RALYL: variants seen among roughly 807,000 people sequenced by gnomAD.
RALYL encodes the protein RALY RNA binding protein like, also known as RNA-binding Raly-like protein.
A neutral mutation model predicts 35.1 loss-of-function variants in RALYL; 29 were observed. The observed-to-expected ratio is 0.83, with a 90% confidence interval of 0.61 to 1.13. The LOEUF (loss-of-function observed/expected upper bound fraction) is 1.13, where lower values mean the gene tolerates loss of function less well. RALYL is among the 50% of genes most tolerant of loss of function. The pLI is 0.00. For synonymous variants in RALYL, 120 were observed against 127.6 expected, an observed-to-expected ratio of 0.94 and a Z score of 0.40; for missense variants, 359 against 360.4, an observed-to-expected ratio of 1.00 and a Z score of 0.03.
chr8:84,777,874 C>G (rs573230942), intron 3 of RALYL, among the ~76,000 whole-genome samples: 1 of 152,270 alleles, frequency 6.6e-6, no homozygotes, highest in Non-Finnish European at 1.5e-5. Flanking sequence ...ATCTCCTGAC[C>G]TCGTGATCCG....
intron 3 of RALYL, among the ~76,000 whole-genome samples, chr8:84,798,056 A>C (rs1822352545): frequency 6.6e-6 from 1 of 152,092 alleles, no homozygotes; most frequent in South Asian, 2.1e-4. Flanking sequence ...AGCCCAAATA[A>C]ATATTCTTCA....
intron 5 of RALYL, among the ~76,000 whole-genome samples, chr8:84,854,774 A>G (rs1017206253): frequency 1.3e-5 from 2 of 152,220 alleles, no homozygotes; most frequent in Admixed American, 1.3e-4. Context: ...CTAGGGCTGG[A>G]GAAACAAAGG....
rs750315853 is a variant in RALYL at position 84,773,825 on chromosome 8, C to G, written c.257-754C>G. On this transcript the variant is annotated intron_variant, in intron 2 of 8. Transcript: ENST00000521268. ...ATCATAGGAAATTTAATAAGTCCTC[C>G]TATGAACAGAACTCTATTTCATACA... Among the ~76,000 whole-genome samples, 12 of 152,184 alleles carry G rather than the reference C, an allele frequency of 7.9e-5. No individual in the cohort carries two copies. In the South Asian group the frequency reaches 1.2e-3, roughly 16 times the overall value.
At chr8:84,919,136 T>G (rs1848929163) in intron 8 of RALYL, among the ~76,000 whole-genome samples, 1 of 152,210 alleles carries the variant, frequency 6.6e-6, no homozygotes, top group Non-Finnish European at 1.5e-5. Context: ...CCATGACTAG[T>G]AAGCTTTACA....
chr8:84,624,343 T>C (rs1334079588), intron 2 of RALYL, among the ~76,000 whole-genome samples: 1 of 152,178 alleles, frequency 6.6e-6, no homozygotes, highest in Non-Finnish European at 1.5e-5. Context: ...TGGGCTAAAG[T>C]CAAAGTTTCA....
chr8:84,881,552 G>A (rs1433722370), intron 7 of RALYL, among the ~76,000 whole-genome samples: 2 of 151,898 alleles, frequency 1.3e-5, no homozygotes, highest in African/African-American at 2.4e-5. Context: ...AAAACACTTT[G>A]AACATAAATC....
At chr8:84,864,201 T>TTGTGTGTGTGTGTGTGTTTG (rs1838695756) in intron 6 of RALYL, among the ~76,000 whole-genome samples, 1 of 150,076 alleles carries the variant, frequency 6.7e-6, no homozygotes, top group Non-Finnish European at 1.5e-5. Context: ...GTGTGTGTGT[T>TTGTGTGTGTGTGTGTGTTTG]TGTGTGTGTG....
intron 1 of RALYL, among the ~76,000 whole-genome samples, chr8:84,457,077 C>T (rs931875442): frequency 6.6e-6 from 1 of 151,870 alleles, no homozygotes; most frequent in East Asian, 1.9e-4. Flanking sequence ...AATTTTTTCC[C>T]CCTTTTCACA....
At chr8:84,277,804 C>T (rs1350598166) in intron 1 of RALYL, among the ~76,000 whole-genome samples, 1 of 152,256 alleles carries the variant, frequency 6.6e-6, no homozygotes, top group Admixed American at 6.5e-5. Flanking sequence ...ACATCTAGGG[C>T]ATGCTGATGC....
intron 2 of RALYL, among the ~76,000 whole-genome samples, chr8:84,628,686 G>A (rs1327499617): frequency 2.6e-5 from 4 of 152,020 alleles, no homozygotes; most frequent in Non-Finnish European, 4.4e-5. Context: ...CATCACGGTA[G>A]GGTGCTGCTG....
intron 1 of RALYL, among the ~76,000 whole-genome samples, chr8:84,352,900 T>C (rs1851182124): frequency 6.7e-6 from 1 of 149,918 alleles, no homozygotes; most frequent in Non-Finnish European, 1.5e-5. Flanking sequence ...CTGCAAAAAA[T>C]TGTAAACTCT....
At chr8:84,472,391 T>C (rs1357003579) in intron 1 of RALYL, among the ~76,000 whole-genome samples, 1 of 152,142 alleles carries the variant, frequency 6.6e-6, no homozygotes, top group Non-Finnish European at 1.5e-5. Context: ...CTGTTAATTC[T>C]CTCTGAGAGA....
chr8:84,832,884 T>C (rs1428346472), intron 4 of RALYL, among the ~76,000 whole-genome samples: 3 of 152,162 alleles, frequency 2.0e-5, no homozygotes, highest in Non-Finnish European at 2.9e-5. Flanking sequence ...TTTTAAAACA[T>C]ACTAGAAGCT....
intron 2 of RALYL, among the ~76,000 whole-genome samples, chr8:84,649,769 T>C (rs1385386623): frequency 6.6e-6 from 1 of 152,094 alleles, no homozygotes; most frequent in Non-Finnish European, 1.5e-5. Flanking sequence ...TGTGGGCTCT[T>C]TTTTGGTTGC....
chr8:84,288,600 TA>T (rs1293554800), intron 1 of RALYL, among the ~76,000 whole-genome samples: 9 of 152,200 alleles, frequency 5.9e-5, no homozygotes, highest in African/African-American at 2.2e-4. Flanking sequence ...ATTGTTCTAT[TA>T]AATTGTATTG....
chr8:84,733,930 A>C (rs1846725064), intron 2 of RALYL, among the ~76,000 whole-genome samples: 1 of 152,224 alleles, frequency 6.6e-6, no homozygotes, highest in African/African-American at 2.4e-5. Context: ...CTAACAAGAA[A>C]ATAGTAAAAA....
chr8:84,462,812 C>T (rs2050965767), intron 1 of RALYL, among the ~76,000 whole-genome samples: 1 of 151,662 alleles, frequency 6.6e-6, no homozygotes, highest in Admixed American at 6.6e-5. Context: ...ATTTTTCTAG[C>T]CACTTTTATA....
At chr8:84,309,438 C>A (rs917729771) in intron 1 of RALYL, among the ~76,000 whole-genome samples, 5 of 151,634 alleles carry the variant, frequency 3.3e-5, no homozygotes, top group Admixed American at 3.3e-4. Context: ...AAGTAAGATT[C>A]CTACCACTTT....
At chr8:84,277,098 T>A (rs117172234) in intron 1 of RALYL, among the ~76,000 whole-genome samples, 2,885 of 152,306 alleles carry the variant, frequency 0.019, 42 homozygotes, top group South Asian at 0.031. Context: ...ATGTAGCATT[T>A]ACTGTATTAG....
Sources: gnomAD v4.1 joint callset for allele counts (sites outside exome capture counted in the v4.1 genomes callset) on GRCh38, gnomAD v4.1.1 for gene constraint, MANE v1.5 for transcripts, NCBI Gene and HGNC (gene_info 2026-07-23, HGNC 2026-07-21) for gene names.